SLTM: variants seen among roughly 807,000 people sequenced by gnomAD.
SLTM encodes the protein SAFB-like transcription modulator.
In SLTM, 43 loss-of-function variants were observed where a neutral mutation model predicts 134.6. The observed-to-expected ratio is 0.32, with a 90% CI of 0.25 to 0.41. SLTM has a LOEUF of 0.41. Among genes scored for constraint, SLTM ranks in the 10% least tolerant of loss-of-function variants. The probability of loss-of-function intolerance (pLI) is 1.00; values close to 1 mark genes in which losing one functional copy is unlikely to be tolerated. For missense variants in SLTM, 1,055 were observed against 1,288.8 expected (o/e 0.82, Z 2.78); for synonymous variants, 424 against 432.3 (o/e 0.98, Z 0.24).
chr15:58,901,713 A>G (rs1382091089), intron 5 of SLTM, among the ~76,000 whole-genome samples: 2 of 152,206 alleles, frequency 1.3e-5, no homozygotes, highest in East Asian at 1.9e-4. Flanking sequence ...GTAACTTTCA[A>G]GTGCTTGAAT....
intron 2 of SLTM, among the ~76,000 whole-genome samples, chr15:58,924,570 G>T (rs1312459163): frequency 1.3e-5 from 2 of 152,156 alleles, no homozygotes; most frequent in Non-Finnish European, 2.9e-5. Flanking sequence ...CATCAAATGG[G>T]ATAAGTCAAG....
intron 2 of SLTM, among the ~76,000 whole-genome samples, chr15:58,924,359 CATTT>C (rs1413809969): frequency 2.6e-5 from 4 of 152,138 alleles, no homozygotes; most frequent in Non-Finnish European, 2.9e-5. Context: ...AGACTATAAA[CATTT>C]ATGTAGCATA....
At chr15:58,918,585 C>A (rs1004108305) in intron 2 of SLTM, among the ~76,000 whole-genome samples, 2 of 152,124 alleles carry the variant, frequency 1.3e-5, no homozygotes, top group East Asian at 3.9e-4. Context: ...TTGTGAGAAC[C>A]AAACAAGAAA....
chr15:58,925,073 T>A (rs1246742573), intron 2 of SLTM, among the ~76,000 whole-genome samples: 36 of 124,930 alleles, frequency 2.9e-4, no homozygotes, highest in East Asian at 4.9e-4. Flanking sequence ...GATAAAATGT[T>A]AAAAAAAAAA....
chr15:58,881,576 A>G (rs1475884463), intron 20 of SLTM, among the ~76,000 whole-genome samples: 1 of 152,094 alleles, frequency 6.6e-6, no homozygotes, highest in Non-Finnish European at 1.5e-5. Context: ...AAACTAGATT[A>G]TAAGGGCCAG....
At chr15:58,926,247 G>A (rs1389857805) in intron 2 of SLTM, among the ~76,000 whole-genome samples, 1 of 152,190 alleles carries the variant, frequency 6.6e-6, no homozygotes, top group Non-Finnish European at 1.5e-5. Flanking sequence ...AATATAGACG[G>A]AAGGTTATTG....
chr15:58,891,513 C>T (rs879405029), intron 14 of SLTM, among the ~76,000 whole-genome samples: 1 of 152,090 alleles, frequency 6.6e-6, no homozygotes, highest in Non-Finnish European at 1.5e-5. Flanking sequence ...TACTTTCTTG[C>T]GACTTTTACC....
intron 5 of SLTM, among the ~76,000 whole-genome samples, chr15:58,907,656 A>G (rs1595890327): frequency 6.6e-6 from 1 of 152,130 alleles, no homozygotes; most frequent in Admixed American, 6.6e-5. Flanking sequence ...AAGTATTAGC[A>G]AACAAGATTT....
rs1475557480 is a variant in SLTM at position 58,893,861 on chromosome 15, T to C, written c.1608A>G (p.Thr536=). ...CTTCACTTTTTTTAATCGATTCTGA[T>C]GTTTGGCCACTTGCTCCATTATCAT... ...EKNDNGASGQ[T]SESIKKSEEK... Residue 536 remains threonine, a synonymous_variant, in exon 12 of 21, where the codon ACA becomes ACG. Transcript: ENST00000380516. 1.9e-6 allele frequency: 3 copies of C among 1,613,168 alleles called. No individual in the cohort carries two copies. Among genetic ancestry groups the C allele is most frequent in the African/African-American group, 1.3e-5 (1 of 74,882 alleles).
At chr15:58,888,060 A>C (rs888112741) in intron 17 of SLTM, among the ~76,000 whole-genome samples, 14 of 152,176 alleles carry the variant, frequency 9.2e-5, no homozygotes, top group African/African-American at 3.4e-4. Flanking sequence ...TGGCTGAGGC[A>C]CAAGAATCGT....
At chr15:58,919,227 A>G (rs1408032179) in intron 2 of SLTM, among the ~76,000 whole-genome samples, 1 of 152,156 alleles carries the variant, frequency 6.6e-6, no homozygotes, top group Non-Finnish European at 1.5e-5. Context: ...AAATTCTTCT[A>G]TTACATTTAG....
rs769380453 is a variant in SLTM at position 58,933,599 on chromosome 15, T to C, written c.-34A>G. The C allele has an allele frequency of 3.9e-6, 6 of 1,538,558 alleles. No individual in the cohort carries two copies. In the African/African-American group the frequency reaches 4.3e-5, roughly 11 times the overall value. The stretch of plus-strand genomic sequence containing the variant: ...AGCAGCGCGCTGCCGAGGCAGCGAG[T>C]GGGCTGCAGGGCGGCGGCAGCAGCG... On this transcript the variant is annotated 5_prime_UTR_variant, in exon 1 of 21. Transcript: ENST00000380516.
chr15:58,915,091 T>A (rs971878868), intron 3 of SLTM, among the ~76,000 whole-genome samples: 1 of 152,158 alleles, frequency 6.6e-6, no homozygotes, highest in East Asian at 1.9e-4. Flanking sequence ...CTTGGGAGGC[T>A]GAGGCAGGAG....
chr15:58,898,712 TA>T, intron 8 of SLTM, 90 bp downstream of exon 8: 1 of 940,062 alleles, frequency 1.1e-6, no homozygotes, highest in South Asian at 1.4e-5. Flanking sequence ...TTTTAAGGAC[TA>T]AATGTCAAAG....
chr15:58,913,601 C>T lies in SLTM; in HGVS notation c.411G>A (p.Val137=), dbSNP rs1417580313. The part of the protein sequence containing the change: ...EEFGENEEEN[V]HSKELLSAEE... ...CTGCAGAGAGTAACTCCTTGGAATG[C>T]ACATTTTCTTCTTCATTTTCACCAA... Residue 137 remains valine (V), a synonymous_variant, in exon 4 of 21, where the codon GTG becomes GTA. Transcript: ENST00000380516. 6.2e-7 allele frequency: 1 copy of T among 1,613,582 alleles called. No homozygotes were observed. Among genetic ancestry groups the T allele is most frequent in the Non-Finnish European group, 8.5e-7 (1 of 1,179,816 alleles).
intron 9 of SLTM, 70 bp from the exon 10 acceptor site, chr15:58,894,652 A>T (rs1185913751): frequency 1.4e-6 from 2 of 1,404,188 alleles, no homozygotes; most frequent in Non-Finnish European, 2.0e-6. Flanking sequence ...AATACATGAA[A>T]CTTCACAACT....
At position 58,927,498 on chromosome 15, in the gene SLTM, T is replaced by G. The variant is rs535479468; in HGVS notation, c.250+4858A>C. Among the ~76,000 whole-genome samples, 14 of 152,328 alleles carry G rather than the reference T, an allele frequency of 9.2e-5. No individual in the cohort carries two copies. In the South Asian group the frequency reaches 1.5e-3, roughly 16 times the overall value. On this transcript the variant is annotated intron_variant, in intron 2 of 20. Transcript: ENST00000380516. ...GTTAGCCAGTCTGGTCTCAAACTCC[T>G]GACATCAGGTGATCCGCCCACCTCA... is the stretch of plus-strand genomic sequence containing the variant.
chr15:58,901,928 C>T (rs749116453), intron 5 of SLTM, among the ~76,000 whole-genome samples: 11 of 151,784 alleles, frequency 7.2e-5, no homozygotes, highest in Non-Finnish European at 1.3e-4. Flanking sequence ...ACACATATAC[C>T]GATGGCAAAG....
At chr15:58,894,259 T>G in intron 10 of SLTM, 66 bp from the exon 11 acceptor site, 3 of 1,433,806 alleles carry the variant, frequency 2.1e-6, no homozygotes, top group Non-Finnish European at 2.9e-6. Context: ...ATAAGAAGTG[T>G]GCTAATGGCA....
Sources: gnomAD v4.1 joint callset for allele counts (sites outside exome capture counted in the v4.1 genomes callset) on GRCh38, gnomAD v4.1.1 for gene constraint, MANE v1.5 for transcripts, NCBI Gene and HGNC (gene_info 2026-07-23, HGNC 2026-07-21) for gene names.